The following GDAP2 variants were observed in gnomAD, a reference collection of about 807,000 sequenced individuals.
GDAP2 encodes ganglioside induced differentiation associated protein 2.
Under a neutral mutation model 67.0 loss-of-function variants are expected in GDAP2, and 51 were observed. The ratio of observed to expected loss-of-function variants is 0.76; its 90% CI spans 0.61 to 0.96. GDAP2 has a LOEUF of 0.96. GDAP2 is among the 40% of genes least tolerant of loss of function. GDAP2 has a pLI of 0.00. For missense variants in GDAP2, 547 were observed against 588.3 expected, an observed-to-expected ratio of 0.93 and a Z score of 0.73; for synonymous variants, 203 against 207.3, an observed-to-expected ratio of 0.98 and a Z score of 0.18.
In GDAP2 at chr1:117,902,512, T is replaced by C. The variant is rs115762272; in HGVS notation, c.637-3296A>G. Among the ~76,000 whole-genome samples the C allele has an allele frequency of 7.3e-3, 1,114 of 152,350 alleles. 17 individuals are homozygous for C. The highest frequency in any genetic ancestry group is 0.026 in the African/African-American group (1,070 of 41,580). ...TAAGGTAGGAATACAACTTTGTTCT[T>C]TGGCATGTGGATATCCAGTAGTCCC... On this transcript the variant is annotated intron_variant, in intron 6 of 13. Transcript: ENST00000369443.
At chr1:117,884,074 T>C (rs550668464) in intron 10 of GDAP2, among the ~76,000 whole-genome samples, 1 of 152,308 alleles carries the variant, frequency 6.6e-6, no homozygotes, top group African/African-American at 2.4e-5. Context: ...TACTCAGAAA[T>C]AGACTCATGG....
intron 6 of GDAP2, among the ~76,000 whole-genome samples, chr1:117,899,562 C>T (rs533451373): frequency 6.6e-6 from 1 of 152,160 alleles, no homozygotes; most frequent in Admixed American, 6.5e-5. Context: ...CTTCCTTAAC[C>T]CTCAGTGTGC....
rs1224383211 is a variant in GDAP2, at chr1:117,864,490, T to C, written c.*6079A>G. The C allele has an allele frequency of 6.6e-6, 1 of 152,240 alleles. No individual in the cohort carries two copies. Among genetic ancestry groups the C allele is most frequent in the Non-Finnish European group, 1.5e-5 (1 of 68,036 alleles). 9.4% of individuals were successfully genotyped at this position (152,240 alleles called of 1,614,324 possible). A position where few individuals can be genotyped will look rare whatever the true frequency, so the allele number is the denominator to read the frequency against. On this transcript the variant is annotated 3_prime_UTR_variant, in exon 14 of 14. Coordinates refer to ENST00000369443, the MANE Select transcript of GDAP2 (RefSeq NM_017686.4). ...GTTGAACTGAAAAGAGCCTGTACTGTAGCACTCAGTACCATAATCACATTA... is the reference window on the plus strand; with the variant it reads ...GTTGAACTGAAAAGAGCCTGTACTGCAGCACTCAGTACCATAATCACATTA...
rs1300779445 is a variant in GDAP2, at chr1:117,867,039, T to A, written c.*3530A>T. On this transcript the variant is annotated 3_prime_UTR_variant, in exon 14 of 14. Coordinates refer to ENST00000369443, the MANE Select transcript of GDAP2 (RefSeq NM_017686.4). ...ATTCTAATCATTTCTGTGCATATAT[T>A]AAGCAATTTAAACTCTATATACATA... 6.6e-6 allele frequency: 1 copy of A among 152,182 alleles called. No individual in the cohort carries two copies. Among genetic ancestry groups the A allele is most frequent in the African/African-American group, 2.4e-5 (1 of 41,436 alleles). 9.4% of individuals were successfully genotyped at this position (152,182 alleles called of 1,614,324 possible). A position where few individuals can be genotyped will look rare whatever the true frequency, so the allele number is the denominator to read the frequency against.
At position 117,863,862 on chromosome 1, in the gene GDAP2, G is replaced by T. The variant is rs1435749432; in HGVS notation, c.*6707C>A. 2 of 152,112 alleles carry T rather than the reference G, an allele frequency of 1.3e-5. No individual in the cohort carries two copies. Among genetic ancestry groups the T allele is most frequent in the African/African-American group, 4.8e-5 (2 of 41,420 alleles). The allele number at this position is 152,112 out of a possible 1,614,324, so 9.4% of individuals were successfully genotyped here. ...TGTTATTATTTCTAATCAAAGCAGTGGTGGCTGCTATTTATAAACACTACT... is the reference window on the plus strand; with the variant it reads ...TGTTATTATTTCTAATCAAAGCAGTTGTGGCTGCTATTTATAAACACTACT... On this transcript the variant is annotated 3_prime_UTR_variant, in exon 14 of 14. Coordinates refer to ENST00000369443, the MANE Select transcript of GDAP2 (RefSeq NM_017686.4).
chr1:117,885,323 C>T (rs1648813765), intron 10 of GDAP2, among the ~76,000 whole-genome samples: 1 of 151,990 alleles, frequency 6.6e-6, no homozygotes, highest in Non-Finnish European at 1.5e-5. Flanking sequence ...ATAACTATAT[C>T]ACTATATATG....
chr1:117,910,764 C>T (rs912131729), intron 5 of GDAP2, among the ~76,000 whole-genome samples: 3 of 152,104 alleles, frequency 2.0e-5, no homozygotes, highest in Admixed American at 6.6e-5. Flanking sequence ...ACAAGAAGTT[C>T]GCTAAAATAC....
rs1650128753 is a variant in GDAP2, at chr1:117,918,577, A to G, written c.316+20T>C. 1 of 1,567,530 alleles carries G rather than the reference A, an allele frequency of 6.4e-7. No individual in the cohort carries two copies. Among genetic ancestry groups the G allele is most frequent in the Non-Finnish European group, 8.8e-7 (1 of 1,137,960 alleles). On this transcript the variant is annotated intron_variant, in intron 3 of 13. Coordinates refer to ENST00000369443, the MANE Select transcript of GDAP2 (RefSeq NM_017686.4). Reference sequence around the variant, plus strand: ...ATGAATGTTTTCTAAGCAATAATATATGAAAGAAAATTCACTCACCTTTAA... The same window carrying G: ...ATGAATGTTTTCTAAGCAATAATATGTGAAAGAAAATTCACTCACCTTTAA...
At chr1:117,877,867 T>G in intron 13 of GDAP2, 142 bp downstream of exon 13, 4 of 1,289,620 alleles carry the variant, frequency 3.1e-6, no homozygotes, top group Middle Eastern at 2.7e-4. Context: ...GGAAAGTATG[T>G]TAAATGATAT....
chr1:117,908,841 AAAT>A (rs1347265638), intron 5 of GDAP2, among the ~76,000 whole-genome samples: 1 of 151,886 alleles, frequency 6.6e-6, no homozygotes, highest in African/African-American at 2.4e-5. Flanking sequence ...ATAAATAAAT[AAAT>A]AAATAAATAA....
chr1:117,868,193 T>C lies in GDAP2; in HGVS notation c.*2376A>G, dbSNP rs993535334. Reference sequence around the variant, plus strand: ...CTTAATCATTTCAATATCAAGGTCATTATATTTCTCCTCTAGGATTTGGTA... The same window carrying C: ...CTTAATCATTTCAATATCAAGGTCACTATATTTCTCCTCTAGGATTTGGTA... On this transcript the variant is annotated 3_prime_UTR_variant, in exon 14 of 14. Coordinates refer to ENST00000369443, the MANE Select transcript of GDAP2 (RefSeq NM_017686.4). The C allele has an allele frequency of 7.2e-5, 11 of 152,192 alleles. No individual in the cohort carries two copies. The highest frequency in any genetic ancestry group is 1.5e-4 in the Non-Finnish European group (10 of 68,030). 9.4% of individuals were successfully genotyped at this position (152,192 alleles called of 1,614,324 possible).
Position 117,920,388 on chromosome 1 carries a change from A to C in GDAP2, c.-31T>G. 1 of 1,479,806 alleles carries C rather than the reference A, an allele frequency of 6.8e-7. No homozygotes were observed. The allele number at this position is 1,479,806 out of a possible 1,614,324, so 91.7% of individuals were successfully genotyped here. ...GGGAACTTTGATTTGTCTTTTCCCA[A>C]AATCCTCAGCAATTCAATATTCACT... On this transcript the variant is annotated 5_prime_UTR_variant, in exon 2 of 14. Transcript: ENST00000369443.
chr1:117,872,059 T>G (rs761477665), intron 13 of GDAP2, among the ~76,000 whole-genome samples: 1 of 151,970 alleles, frequency 6.6e-6, no homozygotes. Flanking sequence ...AAAAAAGACA[T>G]ATATATGGCC....
At chr1:117,890,019 C>A (rs1265891058) in intron 8 of GDAP2, among the ~76,000 whole-genome samples, 1 of 151,778 alleles carries the variant, frequency 6.6e-6, no homozygotes, top group African/African-American at 2.4e-5. Flanking sequence ...TATTTTGGGG[C>A]CTGAGATGAA....
chr1:117,927,229 T>C (rs142629977), intron 1 of GDAP2, among the ~76,000 whole-genome samples: 47 of 152,220 alleles, frequency 3.1e-4, no homozygotes, highest in South Asian at 6.2e-4. Context: ...GTTTTTTTTT[T>C]CCTCAAATCC....
rs749133878 is a variant in GDAP2 at position 117,899,154 on chromosome 1, T to C, written c.699A>G (p.Ser233=). 4 of 1,610,490 alleles carry C rather than the reference T, an allele frequency of 2.5e-6. No homozygotes were observed. Among genetic ancestry groups the C allele is most frequent in the African/African-American group, 2.7e-5 (2 of 74,810 alleles). Residue 233 remains serine (S), a synonymous_variant, in exon 7 of 14, where the codon TCA becomes TCG. Coordinates refer to ENST00000369443, the MANE Select transcript of GDAP2 (RefSeq NM_017686.4). ...CAATATCTGCAGGTAGGTAGGGCAATGATCGATTCTCCTCTTTTAATGACC... is the reference window on the plus strand; with the variant it reads ...CAATATCTGCAGGTAGGTAGGGCAACGATCGATTCTCCTCTTTTAATGACC... ...FPRSLKEENR[S]LPYLPADIGN... is the part of the protein sequence containing the mutation.
chr1:117,892,683 A>G (rs948082842), intron 8 of GDAP2, among the ~76,000 whole-genome samples: 5 of 152,190 alleles, frequency 3.3e-5, no homozygotes, highest in African/African-American at 1.2e-4. Flanking sequence ...GTTGCAACCA[A>G]CTGAGGTTGG....
At position 117,864,897 on chromosome 1, in the gene GDAP2, T is replaced by C. The variant is rs1359703493; in HGVS notation, c.*5672A>G. ...AAGAGACGATGAACGTTAGAGTGCC[T>C]GGACCACAGGAAGAATTACAATGAC... On this transcript the variant is annotated 3_prime_UTR_variant, in exon 14 of 14. Transcript: ENST00000369443. 6.6e-6 allele frequency: 1 copy of C among 152,176 alleles called. No individual in the cohort carries two copies. Among genetic ancestry groups the C allele is most frequent in the Non-Finnish European group, 1.5e-5 (1 of 68,040 alleles). The allele number at this position is 152,176 out of a possible 1,614,324, so 9.4% of individuals were successfully genotyped here. A position where few individuals can be genotyped will look rare whatever the true frequency, so the allele number is the denominator to read the frequency against.
chr1:117,918,529 T>C, intron 3 of GDAP2, 68 bp downstream of exon 3: 2 of 1,162,284 alleles, frequency 1.7e-6, no homozygotes, highest in Non-Finnish European at 1.3e-6. Flanking sequence ...AAAACATGCC[T>C]CTTTAAGGTG....
Sources: gnomAD v4.1 joint callset for allele counts (sites outside exome capture counted in the v4.1 genomes callset) on GRCh38, gnomAD v4.1.1 for gene constraint, MANE v1.5 for transcripts, NCBI Gene and HGNC (gene_info 2026-07-23, HGNC 2026-07-21) for gene names.